SMYD1: variants seen among roughly 807,000 people sequenced by gnomAD.
SMYD1 encodes histone-lysine N-methyltransferase SMYD1.
In SMYD1, 49 loss-of-function variants were observed where a neutral mutation model predicts 54.0. The ratio of observed to expected loss-of-function variants is 0.91; its 90% CI spans 0.72 to 1.15. The LOEUF (loss-of-function observed/expected upper bound fraction) is 1.15, where lower values mean the gene tolerates loss of function less well. Ranked by LOEUF, SMYD1 falls within the 50% of genes most tolerant of loss-of-function variation. The pLI is 0.00. For missense variants in SMYD1, 653 were observed against 639.6 expected (o/e 1.02, Z -0.23); for synonymous variants, 269 against 234.2 (o/e 1.15, Z -1.36).
At chr2:88,093,131 C>A (rs186525802) in intron 4 of SMYD1, among the ~76,000 whole-genome samples, 1 of 152,276 alleles carries the variant, frequency 6.6e-6, no homozygotes, top group East Asian at 1.9e-4. Context: ...GACAGACATC[C>A]AAAGAGGCAA....
At chr2:88,096,914 G>A in intron 6 of SMYD1, 130 bp downstream of exon 6, 1 of 902,420 alleles carries the variant, frequency 1.1e-6, no homozygotes, top group South Asian at 1.8e-5. Flanking sequence ...CTGGGGAGGA[G>A]GCAGGGCATG....
intron 4 of SMYD1, 105 bp from the exon 5 acceptor site, chr2:88,093,412 A>G (rs1314260976): frequency 7.4e-7 from 1 of 1,359,130 alleles, no homozygotes; most frequent in African/African-American, 1.4e-5. Flanking sequence ...TGTGATGGCC[A>G]AAGCTTTGAT....
chr2:88,089,593 T>TTC (rs1241381674), intron 3 of SMYD1, among the ~76,000 whole-genome samples: 1 of 144,120 alleles, frequency 6.9e-6, no homozygotes. Flanking sequence ...CTGTTTTTTT[T>TTC]TTTTTTTTTT....
intron 4 of SMYD1, among the ~76,000 whole-genome samples, chr2:88,091,641 G>C (rs1044776404): frequency 6.6e-6 from 1 of 152,236 alleles, no homozygotes; most frequent in South Asian, 2.1e-4. Context: ...GAGGTCAGGA[G>C]TTTGAGATCA....
chr2:88,070,640 C>T (rs1673925130), intron 1 of SMYD1, among the ~76,000 whole-genome samples: 1 of 152,048 alleles, frequency 6.6e-6, no homozygotes, highest in African/African-American at 2.4e-5. Context: ...GTATATTCTA[C>T]TGCCTTTTAA....
At chr2:88,075,633 G>T (rs926612864) in intron 1 of SMYD1, among the ~76,000 whole-genome samples, 5 of 150,182 alleles carry the variant, frequency 3.3e-5, no homozygotes, top group Non-Finnish European at 7.4e-5. Context: ...TACCTGCTGG[G>T]CCCAAGCCAT....
intron 4 of SMYD1, among the ~76,000 whole-genome samples, chr2:88,093,136 A>G (rs1674499887): frequency 6.6e-6 from 1 of 152,222 alleles, no homozygotes; most frequent in South Asian, 2.1e-4. Flanking sequence ...ACATCCAAAG[A>G]GGCAATGTTT....
intron 1 of SMYD1, among the ~76,000 whole-genome samples, chr2:88,072,962 C>T (rs147218544): frequency 0.011 from 1,633 of 152,150 alleles, 32 homozygotes; most frequent in African/African-American, 0.037. Flanking sequence ...GCTACATGGG[C>T]ATATTGTGTG....
At chr2:88,099,838 TGGCTTCTCCCC>T (rs1674679366) in intron 6 of SMYD1, among the ~76,000 whole-genome samples, 2 of 91,600 alleles carry the variant, frequency 2.2e-5, no homozygotes, top group Non-Finnish European at 4.6e-5. Context: ...CCTTTTCCTC[TGGCTTCTCCCC>T]TTTCCTCTGG....
In SMYD1 at chr2:88,075,464, T is replaced by TA. The variant is rs1337305525; in HGVS notation, c.137+7470dup. On this transcript the variant is annotated intron_variant, in intron 1 of 9. Coordinates refer to ENST00000419482, the MANE Select transcript of SMYD1 (RefSeq NM_198274.4). The stretch of plus-strand genomic sequence containing the variant: ...AAAATCTTGAGAATTGATGTTTTAA[T>TA]AAAAAAAGGGATGTTAAAAATAAAT... 8.1e-5 allele frequency among the ~76,000 whole-genome samples: 12 copies of TA among 148,406 alleles called. No individual in the cohort carries two copies. The South Asian group carries it at 1.5e-3, about 18-fold the overall frequency.
chr2:88,068,360 A>G (rs1673876765), intron 1 of SMYD1, among the ~76,000 whole-genome samples: 1 of 152,170 alleles, frequency 6.6e-6, no homozygotes, highest in Non-Finnish European at 1.5e-5. Context: ...TCTTTTTATT[A>G]TAAATACATT....
intron 6 of SMYD1, 125 bp downstream of exon 6, chr2:88,096,909 G>A (rs1674603026): frequency 1.1e-6 from 1 of 938,302 alleles, no homozygotes; most frequent in African/African-American, 1.7e-5. Flanking sequence ...TCACCCTGGG[G>A]AGGAGGCAGG....
rs777061015 is a variant in SMYD1 at position 88,112,687 on chromosome 2, T to C, written c.*2175T>C. On this transcript the variant is annotated 3_prime_UTR_variant, in exon 10 of 10. Transcript: ENST00000419482. ...TTCACTAAAAGGGCTCTTACCAAGA[T>C]CAAATCTAATGGGTACATTTTAGTT... 19 of 154,866 alleles carry C rather than the reference T, an allele frequency of 1.2e-4. 1 individual carries two copies. Among genetic ancestry groups the C allele is most frequent in the Middle Eastern group, 3.4e-3 (1 of 294 alleles). The allele number at this position is 154,866 out of a possible 1,614,324, so 9.6% of individuals were successfully genotyped here.
intron 1 of SMYD1, among the ~76,000 whole-genome samples, chr2:88,076,302 C>T (rs1674061230): frequency 6.6e-6 from 1 of 152,168 alleles, no homozygotes. Context: ...GCAAGCTCCG[C>T]CTCCTGGGTT....
intron 1 of SMYD1, among the ~76,000 whole-genome samples, chr2:88,083,502 T>A (rs1165920585): frequency 1.3e-5 from 2 of 152,106 alleles, no homozygotes; most frequent in African/African-American, 4.8e-5. Context: ...CCTCATCACT[T>A]CCACCCTCGC....
At chr2:88,092,881 A>C (rs941558874) in intron 4 of SMYD1, among the ~76,000 whole-genome samples, 4 of 151,942 alleles carry the variant, frequency 2.6e-5, no homozygotes, top group Non-Finnish European at 5.9e-5. Flanking sequence ...GAATCTAGGA[A>C]CTCTTTCTTC....
At chr2:88,094,341 C>T (rs891152420) in intron 5 of SMYD1, among the ~76,000 whole-genome samples, 1 of 152,186 alleles carries the variant, frequency 6.6e-6, no homozygotes, top group Non-Finnish European at 1.5e-5. Flanking sequence ...CTCTGCAGCT[C>T]TGGGCTCTGT....
At chr2:88,089,586 T>G (rs959400380) in intron 3 of SMYD1, among the ~76,000 whole-genome samples, 1 of 107,214 alleles carries the variant, frequency 9.3e-6, no homozygotes, top group Non-Finnish European at 1.9e-5. Flanking sequence ...CTTCTACCTG[T>G]TTTTTTTTTT....
In SMYD1 at chr2:88,106,336, A is replaced by G. The variant is rs1674867115; in HGVS notation, c.993A>G (p.Leu331=). 6 of 1,614,126 alleles carry G rather than the reference A, an allele frequency of 3.7e-6. No individual in the cohort carries two copies. The highest frequency in any genetic ancestry group is 5.1e-6 in the Non-Finnish European group (6 of 1,180,014). ...CTGTCTCACTCTAGGTTGTGAAATT[A>G]TGCCGGGAGTGCCTGGAGAAGCAGG... ...SEGLYHEVVK[L]CRECLEKQEP... The change falls in exon 8 of 10, where the codon TTA becomes TTG. Residue 331 remains leucine, a synonymous_variant. Transcript: ENST00000419482.
Sources: allele counts gnomAD v4.1 joint callset (sites outside exome capture counted in the v4.1 genomes callset), GRCh38; gene constraint gnomAD v4.1.1; transcripts MANE v1.5; gene names NCBI Gene and HGNC (gene_info 2026-07-23, HGNC 2026-07-21).